The following RPA1 variants were observed in gnomAD, a reference collection of about 807,000 sequenced individuals.
The protein encoded by RPA1 is replication protein A1, also known as replication protein A 70 kDa DNA-binding subunit.
RPA1 carries 49 observed loss-of-function variants against 83.0 expected under a neutral mutation model. The ratio of observed to expected loss-of-function variants is 0.59; its 90% CI spans 0.47 to 0.75. RPA1 has a LOEUF of 0.75. RPA1 is among the 30% of genes least tolerant of loss of function. RPA1 has a pLI of 0.00. For missense variants in RPA1, 693 were observed against 776.1 expected (o/e 0.89, Z 1.27); for synonymous variants, 279 against 281.8 (o/e 0.99, Z 0.10).
At chr17:1,840,339 T>C (rs1054121406) in intron 1 of RPA1, among the ~76,000 whole-genome samples, 1 of 151,834 alleles carries the variant, frequency 6.6e-6, no homozygotes, top group Non-Finnish European at 1.5e-5. Flanking sequence ...CAGGTTGGAG[T>C]GCAGTGGCGC....
chr17:1,888,541 C>T (rs949910656), intron 13 of RPA1, 134 bp from the exon 14 acceptor site: 2 of 792,246 alleles, frequency 2.5e-6, no homozygotes, highest in Non-Finnish European at 3.9e-6. Context: ...GAATGATTCC[C>T]TGTGATCATG....
intron 5 of RPA1, among the ~76,000 whole-genome samples, chr17:1,859,338 T>G (rs968439826): frequency 1.3e-5 from 2 of 152,192 alleles, no homozygotes; most frequent in African/African-American, 4.8e-5. Context: ...TGTTATTCAG[T>G]TTTTCTATAT....
At chr17:1,868,916 CAA>C (rs1189352533) in intron 5 of RPA1, among the ~76,000 whole-genome samples, 1 of 152,150 alleles carries the variant, frequency 6.6e-6, no homozygotes, top group East Asian at 1.9e-4. Context: ...CTATGGCTAA[CAA>C]TATTTTACTT....
rs893737822 is a variant in RPA1 at position 1,839,091 on chromosome 17, C to T, written c.34-3712C>T. On this transcript the variant is annotated intron_variant, in intron 1 of 16. Transcript: ENST00000254719. The stretch of plus-strand genomic sequence containing the variant: ...GATGGTCCCAATCTCCTGACCTCGT[C>T]GTGATCCACCTGCCTCGGCCTCCCA... 1.5e-3 allele frequency among the ~76,000 whole-genome samples: 234 copies of T among 152,214 alleles called. 1 individual carries two copies. Among genetic ancestry groups the T allele is most frequent in the African/African-American group, 5.5e-3 (229 of 41,540 alleles).
chr17:1,846,521 C>G (rs1946388934), intron 4 of RPA1, among the ~76,000 whole-genome samples: 1 of 151,860 alleles, frequency 6.6e-6, no homozygotes, highest in African/African-American at 2.4e-5. Flanking sequence ...GGGGTTTCAC[C>G]ATGTTAGCCA....
At chr17:1,882,669 C>CA (rs1184829880) in intron 12 of RPA1, among the ~76,000 whole-genome samples, 2 of 152,058 alleles carry the variant, frequency 1.3e-5, no homozygotes, top group African/African-American at 4.8e-5. Context: ...TGTCTCAAAA[C>CA]AAAAAAACCA....
At chr17:1,863,063 A>T (rs915043579) in intron 5 of RPA1, among the ~76,000 whole-genome samples, 2 of 150,870 alleles carry the variant, frequency 1.3e-5, no homozygotes, top group African/African-American at 4.9e-5. Flanking sequence ...TTGCTTTGCC[A>T]TCCAGGCTGG....
At chr17:1,847,894 C>T (rs1006412418) in intron 4 of RPA1, among the ~76,000 whole-genome samples, 2 of 151,720 alleles carry the variant, frequency 1.3e-5, no homozygotes, top group Non-Finnish European at 2.9e-5. Flanking sequence ...GTGGCGGGTG[C>T]GGCCTGTAAT....
chr17:1,894,736 C>T lies in RPA1; in HGVS notation c.1660-273C>T, dbSNP rs543531769. Among the ~76,000 whole-genome samples the T allele has an allele frequency of 2.6e-5, 4 of 152,296 alleles. No homozygotes were observed. In the South Asian group the frequency reaches 8.3e-4, roughly 32 times the overall value. On this transcript the variant is annotated intron_variant, in intron 15 of 16. Transcript: ENST00000254719. Reference sequence around the variant, plus strand: ...TGTTCATGGGTGGCGATTTGAAACTCTGCACATTAAGCAATAGCTCCTTTT... The same window carrying T: ...TGTTCATGGGTGGCGATTTGAAACTTTGCACATTAAGCAATAGCTCCTTTT...
chr17:1,832,464 G>A (rs143999247), intron 1 of RPA1, among the ~76,000 whole-genome samples: 4 of 152,204 alleles, frequency 2.6e-5, no homozygotes, highest in African/African-American at 7.2e-5. Flanking sequence ...TTGACTCACT[G>A]CAACCTCCGC....
chr17:1,892,616 G>GGGTT lies in RPA1; in HGVS notation c.1659+676_1659+677insGGTT, dbSNP rs915542766. Among the ~76,000 whole-genome samples, 9 of 152,268 alleles carry GGGTT rather than the reference G, an allele frequency of 5.9e-5. No homozygotes were observed. In the South Asian group the frequency reaches 6.2e-4, roughly 11 times the overall value. On this transcript the variant is annotated intron_variant, in intron 15 of 16. Coordinates refer to ENST00000254719, the MANE Select transcript of RPA1 (RefSeq NM_002945.5). Reference sequence around the variant, plus strand: ...ATTACAGGCATGCTTTTTTAACATAGTAAATACCTTCCAGAAAAGTTGAGT... The same window carrying GGGTT: ...ATTACAGGCATGCTTTTTTAACATAGGGTTTAAATACCTTCCAGAAAAGTTGAGT...
intron 5 of RPA1, among the ~76,000 whole-genome samples, chr17:1,857,359 C>T: frequency 6.7e-6 from 1 of 149,780 alleles, no homozygotes; most frequent in Non-Finnish European, 1.5e-5. Flanking sequence ...AATTAAGAGG[C>T]TTTTCTGGAA....
intron 4 of RPA1, among the ~76,000 whole-genome samples, chr17:1,847,257 A>G (rs778014760): frequency 3.9e-5 from 6 of 152,196 alleles, no homozygotes; most frequent in Non-Finnish European, 5.9e-5. Flanking sequence ...CATGTTGCCA[A>G]CCTTCTCACT....
At chr17:1,857,261 CTTTTTCTTTTTT>C (rs894852956) in intron 5 of RPA1, among the ~76,000 whole-genome samples, 5 of 99,154 alleles carry the variant, frequency 5.0e-5, no homozygotes, top group African/African-American at 9.4e-5. Flanking sequence ...TTTTCTTTTT[CTTTTTCTTTTTT>C]TTTTTTCAAA....
rs1248473304 is a variant in RPA1, at chr17:1,883,899, A to G, written c.1329A>G (p.Lys443=). Residue 443 remains lysine (K), a synonymous_variant, in exon 13 of 17, where the codon AAA becomes AAG. Coordinates refer to ENST00000254719, the MANE Select transcript of RPA1 (RefSeq NM_002945.5). ...GGVGGSNTNW[K]TLYEVKSENL... ...TCGGAGGGAGTAACACCAACTGGAAAACCTTGTATGAGGTCAAATCCGAGA... is the reference window on the plus strand; with the variant it reads ...TCGGAGGGAGTAACACCAACTGGAAGACCTTGTATGAGGTCAAATCCGAGA... The G allele has an allele frequency of 6.2e-7, 1 of 1,614,178 alleles. No homozygotes were observed. Among genetic ancestry groups the G allele is most frequent in the Admixed American group, 1.7e-5 (1 of 60,026 alleles).
chr17:1,897,225 C>T lies in RPA1; in HGVS notation c.*50C>T, dbSNP rs375414741. On this transcript the variant is annotated 3_prime_UTR_variant, in exon 17 of 17. Coordinates refer to ENST00000254719, the MANE Select transcript of RPA1 (RefSeq NM_002945.5). ...AGTTTGCAAATAGGCAGAATGGAAT[C>T]GATTTCCTCCCACCTCCGTGTGACG... is the stretch of plus-strand genomic sequence containing the variant. 63 of 1,344,904 alleles carry T rather than the reference C, an allele frequency of 4.7e-5. No individual in the cohort carries two copies. The highest frequency in any genetic ancestry group is 5.8e-5 in the African/African-American group (4 of 69,092). The allele number at this position is 1,344,904 out of a possible 1,614,324, so 83.3% of individuals were successfully genotyped here.
At chr17:1,855,321 C>T (rs1165355942) in intron 5 of RPA1, among the ~76,000 whole-genome samples, 1 of 146,892 alleles carries the variant, frequency 6.8e-6, no homozygotes, top group Non-Finnish European at 1.5e-5. Flanking sequence ...GACACCACAC[C>T]CGGCTAAAAT....
At chr17:1,833,727 G>A (rs910311029) in intron 1 of RPA1, among the ~76,000 whole-genome samples, 4 of 152,062 alleles carry the variant, frequency 2.6e-5, no homozygotes, top group African/African-American at 9.7e-5. Context: ...GGGGGCGCAT[G>A]CCTGGAATCC....
chr17:1,896,628 G>A (rs984632344), intron 16 of RPA1, among the ~76,000 whole-genome samples: 4 of 152,178 alleles, frequency 2.6e-5, no homozygotes, highest in Admixed American at 2.6e-4. Flanking sequence ...AGACAGGACA[G>A]ACTCGGTCCT....
Sources: allele counts gnomAD v4.1 joint callset (sites outside exome capture counted in the v4.1 genomes callset), GRCh38; gene constraint gnomAD v4.1.1; transcripts MANE v1.5; gene names NCBI Gene and HGNC (gene_info 2026-07-23, HGNC 2026-07-21).